Variants in MARCHF8 observed in about 807,000 individuals in gnomAD.
MARCHF8 encodes the protein E3 ubiquitin-protein ligase MARCHF8.
Under a neutral mutation model 51.6 loss-of-function variants are expected in MARCHF8, and 40 were observed. The ratio of observed to expected loss-of-function variants is 0.77; its 90% CI spans 0.60 to 1.01. The LOEUF is 1.01. Among genes scored for constraint, MARCHF8 ranks in the 50% least tolerant of loss-of-function variants. The pLI is 0.00. For synonymous variants in MARCHF8, 263 were observed against 280.3 expected, an observed-to-expected ratio of 0.94 and a Z score of 0.62; for missense variants, 685 against 708.6, an observed-to-expected ratio of 0.97 and a Z score of 0.38.
chr10:45,548,155 G>C (rs1357923731), intron 1 of MARCHF8, among the ~76,000 whole-genome samples: 1 of 152,186 alleles, frequency 6.6e-6, no homozygotes, highest in African/African-American at 2.4e-5. Context: ...ATGCTACCCA[G>C]TAGGAAAAAA....
chr10:45,459,036 G>T, intron 7 of MARCHF8, 84 bp downstream of exon 7: 1 of 1,559,868 alleles, frequency 6.4e-7, no homozygotes, highest in Non-Finnish European at 8.7e-7. Flanking sequence ...GACGTTTTTG[G>T]CTAACTGGAA....
chr10:45,508,073 T>C (rs1177223839), intron 2 of MARCHF8, among the ~76,000 whole-genome samples: 1 of 152,168 alleles, frequency 6.6e-6, no homozygotes, highest in Non-Finnish European at 1.5e-5. Context: ...AAGAGCCAAA[T>C]GCTTTACAAT....
At chr10:45,461,440 A>G in intron 5 of MARCHF8, 29 bp from the exon 6 acceptor site, 3 of 1,503,514 alleles carry the variant, frequency 2.0e-6, no homozygotes, top group Non-Finnish European at 2.7e-6. Context: ...CTGTCATTCC[A>G]AGGACAGTCC....
At chr10:45,539,862 T>C (rs1171307037), upstream of MARCHF8, among the ~76,000 whole-genome samples, 1 of 152,178 alleles carries the variant, frequency 6.6e-6, no homozygotes, top group Non-Finnish European at 1.5e-5. Flanking sequence ...AGTCTCAGGA[T>C]ACAAAATCAA....
At chr10:45,491,591 A>G (rs939698627) in intron 2 of MARCHF8, among the ~76,000 whole-genome samples, 1 of 152,182 alleles carries the variant, frequency 6.6e-6, no homozygotes, top group Non-Finnish European at 1.5e-5. Context: ...TAATTCAATC[A>G]TATTATTCAC....
chr10:45,500,151 T>C (rs1049029709), intron 2 of MARCHF8, among the ~76,000 whole-genome samples: 1 of 152,220 alleles, frequency 6.6e-6, no homozygotes, highest in Non-Finnish European at 1.5e-5. Flanking sequence ...TTTACCACTT[T>C]GGTTAAGTTT....
At chr10:45,527,178 G>GA (rs1171079969) in intron 2 of MARCHF8, among the ~76,000 whole-genome samples, 2 of 151,724 alleles carry the variant, frequency 1.3e-5, no homozygotes, top group Non-Finnish European at 2.9e-5. Context: ...TGCCTAAATC[G>GA]AAAAAAATAG....
At chr10:45,518,621 T>C (rs2043657372) in intron 2 of MARCHF8, among the ~76,000 whole-genome samples, 1 of 152,228 alleles carries the variant, frequency 6.6e-6, no homozygotes, top group Non-Finnish European at 1.5e-5. Flanking sequence ...CTCTGACCTT[T>C]ACTGTACATG....
rs1409033873 is a variant in MARCHF8 at position 45,456,080 on chromosome 10, C to A, written c.*2159G>T. The A allele has an allele frequency of 6.6e-6, 1 of 152,262 alleles. No homozygotes were observed. The highest frequency in any genetic ancestry group is 1.5e-5 in the Non-Finnish European group (1 of 68,072). The allele number at this position is 152,262 out of a possible 1,614,324, so 9.4% of individuals were successfully genotyped here. On this transcript the variant is annotated 3_prime_UTR_variant, in exon 8 of 8. Transcript: ENST00000453424. ...GGGGATTCACACTTAGAAAATCTAT[C>A]CTGGTCTTCACCTGAAACACTCATC...
intron 1 of MARCHF8, among the ~76,000 whole-genome samples, chr10:45,555,090 G>A (rs1295355313): frequency 1.3e-5 from 2 of 151,820 alleles, no homozygotes; most frequent in Admixed American, 6.6e-5. Flanking sequence ...TTAGCCGGGC[G>A]TAGTGGTGCA....
rs758608581 is a variant in MARCHF8, at chr10:45,461,234, T to C, written c.1266A>G (p.Arg422=). ...FIMETKLKPL[R]KWEKLQMTSS... ...AGCATCCCTTCCTCCCACGTACTTTTCTCAGTGGCTTCAGCTTGGTCTCCA... is the reference window on the plus strand; with the variant it reads ...AGCATCCCTTCCTCCCACGTACTTTCCTCAGTGGCTTCAGCTTGGTCTCCA... Residue 422 remains arginine (R), a synonymous_variant, in exon 6 of 8, where the codon AGA becomes AGG. Coordinates refer to ENST00000453424, the MANE Select transcript of MARCHF8 (RefSeq NM_001282866.2). 16 of 1,518,042 alleles carry C rather than the reference T, an allele frequency of 1.1e-5. No homozygotes were observed. The highest frequency in any genetic ancestry group is 1.7e-4 in the Middle Eastern group (1 of 5,726). The allele number at this position is 1,518,042 out of a possible 1,614,324, so 94.0% of individuals were successfully genotyped here. A position where few individuals can be genotyped will look rare whatever the true frequency, so the allele number is the denominator to read the frequency against.
At chr10:45,557,805 A>G (rs2044269025) in intron 1 of MARCHF8, among the ~76,000 whole-genome samples, 2 of 152,194 alleles carry the variant, frequency 1.3e-5, no homozygotes, top group Non-Finnish European at 2.9e-5. Context: ...CTGCTTAGGC[A>G]GCCCCATAAC....
intron 2 of MARCHF8, among the ~76,000 whole-genome samples, chr10:45,509,973 C>T (rs577963845): frequency 2.0e-5 from 3 of 148,270 alleles, no homozygotes; most frequent in Admixed American, 1.3e-4. Context: ...AGCTGAACAA[C>T]GCCTGTAATC....
chr10:45,495,851 AAG>A (rs945346185), intron 2 of MARCHF8, among the ~76,000 whole-genome samples: 5 of 151,938 alleles, frequency 3.3e-5, no homozygotes, highest in Non-Finnish European at 4.4e-5. Flanking sequence ...GAAAAAAGAA[AAG>A]AGAAGAAGAG....
intron 2 of MARCHF8, among the ~76,000 whole-genome samples, chr10:45,521,561 C>T (rs939532855): frequency 5.9e-5 from 9 of 152,094 alleles, no homozygotes; most frequent in Non-Finnish European, 1.0e-4. Flanking sequence ...TCTGCCTGTG[C>T]CTCCCAGACA....
intron 6 of MARCHF8, chr10:45,459,661 G>A: frequency 1.0e-6 from 1 of 964,764 alleles, no homozygotes; most frequent in Non-Finnish European, 1.2e-6. Context: ...ACGAGCGGAA[G>A]AAGAGGGTTG....
At position 45,463,869 on chromosome 10, in the gene MARCHF8, A is replaced by C; in HGVS notation, c.370T>G (p.Leu124Val). Residue 124 changes from leucine (L) to valine (V), a missense_variant, in exon 5 of 8, where the codon TTA (leucine) becomes GTA (valine). Coordinates refer to ENST00000453424, the MANE Select transcript of MARCHF8 (RefSeq NM_001282866.2). Reference sequence around the variant, plus strand: ...AAGGAATTTCTCTTTGACGCCTGTAATGTGTCCTTACAGATAACTGTCACA... The same window carrying C: ...AAGGAATTTCTCTTTGACGCCTGTACTGTGTCCTTACAGATAACTGTCACA... ...LTVTVICKDT[L>V]QASKRNSFGS... 6.5e-7 allele frequency: 1 copy of C among 1,538,612 alleles called. No homozygotes were observed. Among genetic ancestry groups the C allele is most frequent in the South Asian group, 1.2e-5 (1 of 84,066 alleles).
rs1303947618 is a variant in MARCHF8 at position 45,540,668 on chromosome 10, A to G, written c.-78-7379T>C. 4.6e-5 allele frequency among the ~76,000 whole-genome samples: 7 copies of G among 152,368 alleles called. No individual in the cohort carries two copies. The East Asian group carries it at 1.3e-3, about 29-fold the overall frequency. ...GGGAGAAAATTTTTGCAATCTACTC[A>G]GCTGACAAAGGGCTAATATCCAGAA... On this transcript the variant is annotated intron_variant, in intron 1 of 6. Transcript: ENST00000319836.
intron 2 of MARCHF8, among the ~76,000 whole-genome samples, chr10:45,515,496 CCTT>C (rs2043602957): frequency 1.3e-5 from 2 of 152,286 alleles, no homozygotes; most frequent in Admixed American, 6.5e-5. Flanking sequence ...TCCCTTTTCA[CCTT>C]CTTCTTTTCA....
Sources: allele counts gnomAD v4.1 joint callset (sites outside exome capture counted in the v4.1 genomes callset), GRCh38; gene constraint gnomAD v4.1.1; transcripts MANE v1.5; gene names NCBI Gene and HGNC (gene_info 2026-07-23, HGNC 2026-07-21).